The following PARD3B variants were observed in gnomAD, a reference collection of about 807,000 sequenced individuals.
The protein encoded by PARD3B is partitioning defective 3 homolog B.
Under a neutral mutation model 130.2 loss-of-function variants are expected in PARD3B, and 103 were observed. That is an observed-to-expected ratio of 0.79 (90% CI 0.67 to 0.93). The LOEUF (loss-of-function observed/expected upper bound fraction) is 0.93, where lower values mean the gene tolerates loss of function less well. PARD3B is among the 40% of genes least tolerant of loss of function. The probability of loss-of-function intolerance (pLI) is 0.00; values close to 1 mark genes in which losing one functional copy is unlikely to be tolerated. For missense variants in PARD3B, 1,609 were observed against 1,499.2 expected (o/e 1.07, Z -1.21); for synonymous variants, 583 against 553.2 (o/e 1.05, Z -0.76).
chr2:205,259,805 C>A (rs2040232037), intron 16 of PARD3B, among the ~76,000 whole-genome samples: 2 of 152,062 alleles, frequency 1.3e-5, no homozygotes, highest in Admixed American at 1.3e-4. Context: ...ATCTAAAATG[C>A]TGGAGACCAG....
intron 19 of PARD3B, among the ~76,000 whole-genome samples, chr2:205,432,084 CTT>C (rs1441173416): frequency 6.6e-6 from 1 of 152,052 alleles, no homozygotes; most frequent in African/African-American, 2.4e-5. Flanking sequence ...GTGTTGCAAA[CTT>C]TTCTATTTTG....
At chr2:205,149,133 C>T (rs940255337) in intron 10 of PARD3B, among the ~76,000 whole-genome samples, 1 of 152,130 alleles carries the variant, frequency 6.6e-6, no homozygotes, top group African/African-American at 2.4e-5. Context: ...TGGATGTCTC[C>T]CCAGTCATCC....
chr2:205,293,128 G>A (rs1168168733), intron 16 of PARD3B, among the ~76,000 whole-genome samples: 4 of 151,570 alleles, frequency 2.6e-5, no homozygotes, highest in Admixed American at 1.3e-4. Flanking sequence ...TATAAAAATA[G>A]CATTTAACCT....
intron 16 of PARD3B, among the ~76,000 whole-genome samples, chr2:205,248,589 T>C (rs180794851): frequency 1.1e-4 from 16 of 151,314 alleles, no homozygotes; most frequent in African/African-American, 3.6e-4. Context: ...AATCTCTACT[T>C]GTCTCACCAT....
rs1048800710 is a variant in PARD3B, at chr2:205,525,385, G to A, written c.3180+25354G>A. The stretch of plus-strand genomic sequence containing the variant: ...AGGCCAAAGAAATTCGGAGGATTAA[G>A]AGGTTTTTTTGTTTTTGTTTTTACA... On this transcript the variant is annotated intron_variant, in intron 21 of 22. Transcript: ENST00000406610. This position sits in a 1 kb window ranked among gnomAD's most constrained non-coding sequence, Gnocchi z 4.2. Among the ~76,000 whole-genome samples the A allele has an allele frequency of 6.6e-6, 1 of 152,138 alleles. No individual in the cohort carries two copies.
At chr2:204,619,540 A>G (rs1407928810) in intron 1 of PARD3B, among the ~76,000 whole-genome samples, 1 of 152,160 alleles carries the variant, frequency 6.6e-6, no homozygotes, top group Admixed American at 6.6e-5. Flanking sequence ...TTAAGGAACC[A>G]AGGTACTCTA....
intron 4 of PARD3B, among the ~76,000 whole-genome samples, chr2:205,097,911 C>G (rs1230413608): frequency 1.3e-5 from 2 of 151,724 alleles, no homozygotes; most frequent in East Asian, 3.9e-4. Flanking sequence ...GGGATGGTAT[C>G]TTTGAAGTCA....
At chr2:204,930,816 C>A (rs1687974538) in intron 2 of PARD3B, among the ~76,000 whole-genome samples, 1 of 152,200 alleles carries the variant, frequency 6.6e-6, no homozygotes, top group Non-Finnish European at 1.5e-5. Context: ...TGGCTGCCTG[C>A]AGTTGTCTTT....
At chr2:205,094,639 A>T (rs556582869) in intron 4 of PARD3B, among the ~76,000 whole-genome samples, 2 of 152,260 alleles carry the variant, frequency 1.3e-5, no homozygotes, top group African/African-American at 4.8e-5. Flanking sequence ...TTTCTGCAGC[A>T]CATTTTCATC....
intron 10 of PARD3B, among the ~76,000 whole-genome samples, chr2:205,141,167 G>C (rs1301056976): frequency 6.6e-6 from 1 of 152,160 alleles, no homozygotes; most frequent in Admixed American, 6.5e-5. Flanking sequence ...TGAATTATCT[G>C]TACCTAATGT....
chr2:205,299,821 A>G (rs556028531), intron 16 of PARD3B, among the ~76,000 whole-genome samples: 12 of 152,308 alleles, frequency 7.9e-5, no homozygotes, highest in African/African-American at 2.6e-4. Context: ...TTTTCTAGAT[A>G]CCAAATAGGA....
chr2:204,640,765 T>G (rs2035048258), intron 1 of PARD3B, among the ~76,000 whole-genome samples: 1 of 151,980 alleles, frequency 6.6e-6, no homozygotes, highest in Admixed American at 6.6e-5. Flanking sequence ...GTTTTCTTAC[T>G]TTTTTGCAGT....
intron 19 of PARD3B, among the ~76,000 whole-genome samples, chr2:205,422,658 TTA>T (rs1282988975): frequency 6.6e-6 from 1 of 152,196 alleles, no homozygotes. Flanking sequence ...TTCCAACATT[TTA>T]TGGATCCATT....
chr2:205,039,950 CT>C (rs1014152616), intron 3 of PARD3B, among the ~76,000 whole-genome samples: 2 of 151,778 alleles, frequency 1.3e-5, no homozygotes, highest in Non-Finnish European at 2.9e-5. Flanking sequence ...GGCTTCAGTT[CT>C]TTTTTTTGTT....
chr2:205,012,237 G>T (rs897340937), intron 3 of PARD3B, among the ~76,000 whole-genome samples: 1 of 151,960 alleles, frequency 6.6e-6, no homozygotes, highest in South Asian at 2.1e-4. Flanking sequence ...GGTTTTCTTC[G>T]TATTTGTGAG....
chr2:204,755,398 A>C (rs2040624508), intron 2 of PARD3B, among the ~76,000 whole-genome samples: 1 of 152,172 alleles, frequency 6.6e-6, no homozygotes, highest in Non-Finnish European at 1.5e-5. Context: ...GATGTCATTT[A>C]GAATTTCAAT....
chr2:204,883,192 G>A (rs1480235336), intron 2 of PARD3B, among the ~76,000 whole-genome samples: 4 of 151,100 alleles, frequency 2.6e-5, no homozygotes, highest in Admixed American at 1.3e-4. Flanking sequence ...AATCATCATC[G>A]ACACCATCCT....
intron 18 of PARD3B, among the ~76,000 whole-genome samples, chr2:205,399,417 C>G (rs550931810): frequency 1.2e-4 from 18 of 151,960 alleles, no homozygotes; most frequent in Admixed American, 5.9e-4. Context: ...TGCAGTGGTG[C>G]CATCTCGGCT....
intron 2 of PARD3B, among the ~76,000 whole-genome samples, chr2:204,918,247 A>G (rs549612219): frequency 6.6e-6 from 1 of 152,348 alleles, no homozygotes; most frequent in East Asian, 1.9e-4. Context: ...CAAACAGGCA[A>G]CTTGTTTTTT....
Sources: allele counts gnomAD v4.1 joint callset (sites outside exome capture counted in the v4.1 genomes callset), GRCh38; gene constraint gnomAD v4.1.1; non-coding constraint Gnocchi (gnomAD v3.1); transcripts MANE v1.5; gene names NCBI Gene and HGNC (gene_info 2026-07-23, HGNC 2026-07-21).